VAC14: variants seen among roughly 807,000 people sequenced by gnomAD.
VAC14 encodes VAC14 component of PIKFYVE complex.
A neutral mutation model predicts 85.3 loss-of-function variants in VAC14; 47 were observed. The observed-to-expected ratio is 0.55, with a 90% CI of 0.44 to 0.70. VAC14 has a LOEUF of 0.70. Among genes scored for constraint, VAC14 ranks in the 30% least tolerant of loss-of-function variants. The pLI is 0.00. For missense variants in VAC14, 861 were observed against 1,004.3 expected (o/e 0.86, Z 1.93); for synonymous variants, 447 against 430.5 (o/e 1.04, Z -0.47).
intron 12 of VAC14, among the ~76,000 whole-genome samples, chr16:70,760,244 G>A (rs1350868063): frequency 1.3e-5 from 2 of 152,128 alleles, no homozygotes; most frequent in Non-Finnish European, 2.9e-5. Flanking sequence ...ATCCCAGGGA[G>A]CTCCAATTCG....
At chr16:70,745,402 C>A (rs563904383) in intron 12 of VAC14, among the ~76,000 whole-genome samples, 5 of 152,012 alleles carry the variant, frequency 3.3e-5, no homozygotes, top group African/African-American at 9.7e-5. Context: ...GCTGGCAGGG[C>A]GGCAAAGTCC....
chr16:70,784,506 C>T (rs1038513033), intron 4 of VAC14, among the ~76,000 whole-genome samples: 11 of 151,948 alleles, frequency 7.2e-5, no homozygotes, highest in Admixed American at 1.3e-4. Flanking sequence ...GCTGTCAGGG[C>T]CAGAGAGGTG....
chr16:70,719,909 C>CT (rs1430123310), intron 14 of VAC14, among the ~76,000 whole-genome samples: 1 of 152,154 alleles, frequency 6.6e-6, no homozygotes, highest in African/African-American at 2.4e-5. Flanking sequence ...CATAAGAAAG[C>CT]ATTATCCATA....
intron 9 of VAC14, among the ~76,000 whole-genome samples, chr16:70,777,926 C>A (rs556269218): frequency 6.6e-6 from 1 of 152,276 alleles, no homozygotes; most frequent in African/African-American, 2.4e-5. Context: ...AGCTATCTGT[C>A]CTGCGGCTGG....
intron 18 of VAC14, chr16:70,688,679 T>A (rs964624157): frequency 1.3e-5 from 13 of 985,494 alleles, no homozygotes; most frequent in Non-Finnish European, 3.6e-6. Flanking sequence ...TACATTCCTG[T>A]TGCTGCCACC....
intron 13 of VAC14, among the ~76,000 whole-genome samples, chr16:70,740,911 G>A (rs570051449): frequency 2.0e-5 from 3 of 152,358 alleles, no homozygotes; most frequent in Admixed American, 1.3e-4. Context: ...GGGGGGCCCT[G>A]GGAACCATGG....
chr16:70,729,352 T>C (rs887151735), intron 14 of VAC14, among the ~76,000 whole-genome samples: 6 of 152,166 alleles, frequency 3.9e-5, no homozygotes, highest in Non-Finnish European at 8.8e-5. Context: ...GGCCAGACCA[T>C]CAGAAGCCCT....
At chr16:70,760,899 G>A (rs909330027) in intron 12 of VAC14, among the ~76,000 whole-genome samples, 10 of 150,856 alleles carry the variant, frequency 6.6e-5, no homozygotes, top group Admixed American at 3.3e-4. Flanking sequence ...CTCCCAACTC[G>A]CAGGCAGAAC....
At chr16:70,728,255 C>A (rs570358899) in intron 14 of VAC14, among the ~76,000 whole-genome samples, 1 of 152,118 alleles carries the variant, frequency 6.6e-6, no homozygotes, top group East Asian at 1.9e-4. Flanking sequence ...ACCCACTGGC[C>A]CAGCTCCTGA....
chr16:70,737,671 C>A (rs1283067977), intron 13 of VAC14, among the ~76,000 whole-genome samples: 2 of 152,162 alleles, frequency 1.3e-5, no homozygotes, highest in Non-Finnish European at 2.9e-5. Context: ...GGGAGCCAGC[C>A]CTGCAGATGT....
In VAC14 at chr16:70,781,990, C is replaced by T; in HGVS notation, c.825G>A (p.Gln275=). The T allele has an allele frequency of 3.1e-6, 5 of 1,613,832 alleles. No homozygotes were observed. The highest frequency in any genetic ancestry group is 4.2e-6 in the Non-Finnish European group (5 of 1,179,904). Residue 275 remains glutamine (Q), a synonymous_variant, in exon 8 of 19, where the codon CAG becomes CAA. Transcript: ENST00000261776. ...CCCGCATCCAGCACATGGCTGTCAG[C>T]TGGATGAGGTCATCTGGAAGGGGAA... ...IHCQTTDDLI[Q]LTAMCWMREF...
At chr16:70,743,176 T>C (rs2030524293) in intron 13 of VAC14, among the ~76,000 whole-genome samples, 1 of 151,780 alleles carries the variant, frequency 6.6e-6, no homozygotes, top group Admixed American at 6.6e-5. Context: ...CAATCAGCAC[T>C]GTGTGTCTAA....
intron 14 of VAC14, among the ~76,000 whole-genome samples, chr16:70,710,969 G>C (rs2054020761): frequency 6.6e-6 from 1 of 152,256 alleles, no homozygotes; most frequent in African/African-American, 2.4e-5. Context: ...CTGCCATTCT[G>C]GTTTCTGGGG....
chr16:70,731,670 GTCC>G, intron 13 of VAC14, 43 bp from the exon 14 acceptor site: 1 of 1,538,054 alleles, frequency 6.5e-7, no homozygotes, highest in Non-Finnish European at 8.8e-7. Flanking sequence ...CTGATTATGT[GTCC>G]ACAGGGTGAT....
At chr16:70,768,827 G>A (rs1258230797) in intron 10 of VAC14, 6 of 453,712 alleles carry the variant, frequency 1.3e-5, no homozygotes, top group Non-Finnish European at 2.6e-5. Flanking sequence ...GTGTGACAGA[G>A]TCTCGCTCTG....
intron 1 of VAC14, among the ~76,000 whole-genome samples, chr16:70,791,301 C>T (rs750084629): frequency 3.7e-4 from 57 of 152,278 alleles, no homozygotes; most frequent in Non-Finnish European, 8.1e-4. Flanking sequence ...CTCAGGACCC[C>T]TCATTCTGTG....
chr16:70,781,508 C>G (rs550935506), intron 8 of VAC14, among the ~76,000 whole-genome samples: 61 of 152,284 alleles, frequency 4.0e-4, no homozygotes, highest in African/African-American at 1.4e-3. Context: ...CCTTGTCATA[C>G]TGGTGCCCCT....
Position 70,784,767 on chromosome 16 carries a change from T to C in VAC14, c.486+9A>G, listed in dbSNP as rs771886224. On this transcript the variant is annotated intron_variant, in intron 4 of 18. Coordinates refer to ENST00000261776, the MANE Select transcript of VAC14 (RefSeq NM_018052.5). ...TGTAGAAATAAAAGTGGGGACAAAG[T>C]ACAAATACCTTTAAAAGGCGGTCTA... is the stretch of plus-strand genomic sequence containing the variant. 1.2e-6 allele frequency: 2 copies of C among 1,613,692 alleles called. No homozygotes were observed. The highest frequency in any genetic ancestry group is 2.2e-5 in the South Asian group (2 of 91,064).
intron 1 of VAC14, among the ~76,000 whole-genome samples, chr16:70,796,373 A>G (rs2034546822): frequency 6.6e-6 from 1 of 152,336 alleles, no homozygotes; most frequent in Admixed American, 6.5e-5. Context: ...CACCATAGGC[A>G]GGACTGGCTC....
Sources: gnomAD v4.1 joint callset for allele counts (sites outside exome capture counted in the v4.1 genomes callset) on GRCh38, gnomAD v4.1.1 for gene constraint, MANE v1.5 for transcripts, NCBI Gene and HGNC (gene_info 2026-07-23, HGNC 2026-07-21) for gene names.